DPYD: variants seen among roughly 807,000 people sequenced by gnomAD.
DPYD encodes dihydropyrimidine dehydrogenase, also known as dihydropyrimidine dehydrogenase [NADP(+)].
Under a neutral mutation model 116.2 loss-of-function variants are expected in DPYD, and 109 were observed. The ratio of observed to expected loss-of-function variants is 0.94; its 90% CI spans 0.80 to 1.10. The LOEUF (loss-of-function observed/expected upper bound fraction) is 1.10, where lower values mean the gene tolerates loss of function less well. Ranked by LOEUF, DPYD falls within the 50% of genes least tolerant of loss-of-function variation. The pLI is 0.00. For synonymous variants in DPYD, 440 were observed against 432.0 expected (o/e 1.02, Z -0.23); for missense variants, 1,302 against 1,254.5 (o/e 1.04, Z -0.57).
chr1:97,750,183 T>C (rs1325216953), intron 3 of DPYD, among the ~76,000 whole-genome samples: 4 of 152,102 alleles, frequency 2.6e-5, no homozygotes, highest in African/African-American at 4.8e-5. Context: ...CTCTATATTT[T>C]ATGACATATT....
chr1:97,270,911 C>T (rs1001344561), intron 18 of DPYD, among the ~76,000 whole-genome samples: 2 of 152,172 alleles, frequency 1.3e-5, no homozygotes, highest in Admixed American at 6.5e-5. Flanking sequence ...AGGTACTTTG[C>T]TAATGCAAGA....
intron 19 of DPYD, among the ~76,000 whole-genome samples, chr1:97,219,508 C>A (rs1404963543): frequency 1.3e-5 from 2 of 152,026 alleles, no homozygotes; most frequent in African/African-American, 4.8e-5. Context: ...GACACGTTTC[C>A]TCTAGAAGTG....
At position 97,549,652 on chromosome 1, in the gene DPYD, C is replaced by G; in HGVS notation, c.1432G>C (p.Ala478Pro). 1 of 1,613,880 alleles carries G rather than the reference C, an allele frequency of 6.2e-7. No individual in the cohort carries two copies. The highest frequency in any genetic ancestry group is 8.5e-7 in the Non-Finnish European group (1 of 1,179,896). ...TMQTSEAWVFAGGDVVGLANT... is the reference protein window; with the variant it reads ...TMQTSEAWVFPGGDVVGLANT... ...GCCAAACCAACGACATCACCACCTGCAAATACCCATGCTTCACTAGTTTGC... is the reference window on the plus strand; with the variant it reads ...GCCAAACCAACGACATCACCACCTGGAAATACCCATGCTTCACTAGTTTGC... The change falls in exon 12 of 23, where the codon GCA becomes CCA. Residue 478 changes from alanine (A) to proline (P), a missense_variant. Physicochemically the swap from Ala to Pro is conservative, Grantham distance 27. Transcript: ENST00000370192.
chr1:97,332,250 G>GT (rs779934579), intron 16 of DPYD, among the ~76,000 whole-genome samples: 13 of 152,104 alleles, frequency 8.5e-5, no homozygotes, highest in Non-Finnish European at 1.8e-4. Context: ...TTCTGCTTCT[G>GT]TTTTACAATT....
chr1:97,204,150 G>A (rs1344656206), intron 19 of DPYD, among the ~76,000 whole-genome samples: 1 of 152,122 alleles, frequency 6.6e-6, no homozygotes, highest in Admixed American at 6.6e-5. Flanking sequence ...ATATTTATGG[G>A]AGGGCTAGAG....
At chr1:97,101,910 T>G (rs550878900) in intron 20 of DPYD, among the ~76,000 whole-genome samples, 2 of 152,152 alleles carry the variant, frequency 1.3e-5, no homozygotes, top group African/African-American at 4.8e-5. Context: ...GATGAATTTG[T>G]TCTCACCAGA....
At chr1:97,314,888 C>T (rs1376944433) in intron 16 of DPYD, among the ~76,000 whole-genome samples, 6 of 151,954 alleles carry the variant, frequency 3.9e-5, no homozygotes, top group African/African-American at 1.4e-4. Context: ...ATTCTAGACA[C>T]TGAGCCTCTC....
intron 19 of DPYD, among the ~76,000 whole-genome samples, chr1:97,225,907 C>T (rs892785633): frequency 3.3e-5 from 5 of 151,988 alleles, no homozygotes; most frequent in South Asian, 2.1e-4. Flanking sequence ...CCCAGTATTA[C>T]GCTGAAGCCA....
chr1:97,257,588 T>G (rs145824970), intron 18 of DPYD, among the ~76,000 whole-genome samples: 214 of 151,868 alleles, frequency 1.4e-3, no homozygotes, highest in African/African-American at 4.8e-3. Flanking sequence ...TATGTGTATA[T>G]ATATGGTACA....
rs201615754 is a variant in DPYD at position 97,515,784 on chromosome 1, C to A, written c.1682G>T (p.Arg561Leu). The change falls in exon 13 of 23, where the codon CGA becomes CTA. Residue 561 changes from arginine to leucine, a missense_variant. Arg to Leu is a moderately radical substitution (Grantham distance 102). Coordinates refer to ENST00000370192, the MANE Select transcript of DPYD (RefSeq NM_000110.4). ...ACCCCATCCAGCTTCAAAAGCTCTT[C>A]GAATCATTGATGTGCTGGTGGCTGG... ...ATPATSTSMI[R>L]RAFEAGWGFA... The A allele has an allele frequency of 2.5e-6, 4 of 1,612,882 alleles. No homozygotes were observed. The highest frequency in any genetic ancestry group is 3.4e-6 in the Non-Finnish European group (4 of 1,179,240).
chr1:97,134,931 G>A (rs939780390), intron 20 of DPYD, among the ~76,000 whole-genome samples: 14 of 152,028 alleles, frequency 9.2e-5, no homozygotes, highest in African/African-American at 2.9e-4. Flanking sequence ...AATAATTTAC[G>A]CAAAGGTGAA....
intron 2 of DPYD, among the ~76,000 whole-genome samples, chr1:97,840,601 G>C (rs1353215854): frequency 8.6e-5 from 13 of 151,876 alleles, no homozygotes. Flanking sequence ...ACATCAGTAG[G>C]GTAAGTTTTT....
At chr1:97,083,041 G>T (rs12060037) in intron 21 of DPYD, among the ~76,000 whole-genome samples, 2 of 151,936 alleles carry the variant, frequency 1.3e-5, no homozygotes, top group African/African-American at 4.8e-5. Flanking sequence ...AATCGCTTAG[G>T]TTGATCCAAT....
chr1:97,628,711 CA>C (rs573678609), intron 8 of DPYD, among the ~76,000 whole-genome samples: 34 of 149,138 alleles, frequency 2.3e-4, no homozygotes, highest in East Asian at 7.9e-4. Flanking sequence ...TGCATACATG[CA>C]AAAAAAAAGT....
At chr1:97,134,014 A>AATATATATATAT (rs1165027630) in intron 20 of DPYD, among the ~76,000 whole-genome samples, 2 of 18,806 alleles carry the variant, frequency 1.1e-4, no homozygotes, top group Non-Finnish European at 1.9e-4. Flanking sequence ...AAAAAAAAAA[A>AATATATATATAT]ATATATATAT....
At chr1:97,421,090 A>C (rs1188058688) in intron 14 of DPYD, among the ~76,000 whole-genome samples, 2 of 152,130 alleles carry the variant, frequency 1.3e-5, no homozygotes, top group Non-Finnish European at 2.9e-5. Context: ...TTATCTTAGT[A>C]TCTTCACTAA....
At chr1:97,536,381 A>G (rs1272402648) in intron 12 of DPYD, among the ~76,000 whole-genome samples, 1 of 152,206 alleles carries the variant, frequency 6.6e-6, no homozygotes, top group Middle Eastern at 3.2e-3. Context: ...GGAATAAAAG[A>G]GTTTGCAACA....
At chr1:97,396,222 C>G (rs1570662098) in intron 14 of DPYD, among the ~76,000 whole-genome samples, 1 of 148,382 alleles carries the variant, frequency 6.7e-6, no homozygotes, top group East Asian at 2.0e-4. Context: ...ATTAGCCCCA[C>G]TTTACAGACA....
intron 20 of DPYD, among the ~76,000 whole-genome samples, chr1:97,117,939 T>C (rs1208430717): frequency 6.6e-6 from 1 of 152,126 alleles, no homozygotes; most frequent in Non-Finnish European, 1.5e-5. Flanking sequence ...TGACAAGAAA[T>C]TACTCCTCTC....
Sources: allele counts gnomAD v4.1 joint callset (sites outside exome capture counted in the v4.1 genomes callset), GRCh38; gene constraint gnomAD v4.1.1; transcripts MANE v1.5; gene names NCBI Gene and HGNC (gene_info 2026-07-23, HGNC 2026-07-21).